The following TTC39A variants were observed in gnomAD, a reference collection of about 807,000 sequenced individuals.
TTC39A encodes the protein tetratricopeptide repeat protein 39A.
In TTC39A, 46 loss-of-function variants were observed where a neutral mutation model predicts 82.3. That is an observed-to-expected ratio of 0.56 (90% CI 0.44 to 0.71). The LOEUF (loss-of-function observed/expected upper bound fraction) is 0.71. Ranked by LOEUF, TTC39A falls within the 30% of genes least tolerant of loss-of-function variation. The pLI, the probability that TTC39A is intolerant of heterozygous loss-of-function variation, is 0.00. For synonymous variants in TTC39A, 254 were observed against 275.2 expected, an observed-to-expected ratio of 0.92 and a Z score of 0.76; for missense variants, 543 against 712.9, an observed-to-expected ratio of 0.76 and a Z score of 2.71.
upstream of TTC39A, among the ~76,000 whole-genome samples, chr1:51,332,178 A>G (rs1645921065): frequency 6.6e-6 from 1 of 152,202 alleles, no homozygotes; most frequent in Non-Finnish European, 1.5e-5. Flanking sequence ...AAAGAATACA[A>G]ATTTACCAAT....
rs1336386618 is a variant in TTC39A at position 51,296,101 on chromosome 1, C to A, written c.1123G>T (p.Asp375Tyr). 4.4e-6 allele frequency: 7 copies of A among 1,596,348 alleles called. No individual in the cohort carries two copies. The highest frequency in any genetic ancestry group is 6.0e-6 in the Non-Finnish European group (7 of 1,171,406). ...FGKEDHKPFG[D>Y]DEVELFRAVP... ...CACCGAAATAATTCCACTTCGTCGT[C>A]CCCGAACGGCTTGTGGTCCTCCTTC... The change falls in exon 13 of 18, where the codon GAC becomes TAC. Residue 375 changes from aspartate (D) to tyrosine (Y), a missense_variant. Asp to Tyr is a radical substitution (Grantham distance 160). Transcript: ENST00000680483.
intron 2 of TTC39A, among the ~76,000 whole-genome samples, chr1:51,313,163 G>C (rs1645149689): frequency 6.6e-6 from 1 of 152,192 alleles, no homozygotes; most frequent in African/African-American, 2.4e-5. Context: ...GTGGCCCTAA[G>C]TGATCTACCA....
chr1:51,324,046 C>G (rs1645622070), intron 1 of TTC39A, among the ~76,000 whole-genome samples: 1 of 152,198 alleles, frequency 6.6e-6, no homozygotes, highest in South Asian at 2.1e-4. Context: ...GGAACTACCA[C>G]CCTGAGACCA....
intron 2 of TTC39A, among the ~76,000 whole-genome samples, chr1:51,317,284 G>C (rs745773300): frequency 2.0e-5 from 3 of 152,214 alleles, no homozygotes; most frequent in Non-Finnish European, 4.4e-5. Context: ...AAGGGAGGCT[G>C]TTTTCCAGCA....
intron 4 of TTC39A, among the ~76,000 whole-genome samples, 178 bp downstream of exon 4, chr1:51,311,941 C>G (rs570943408): frequency 1.3e-5 from 2 of 152,254 alleles, no homozygotes; most frequent in Non-Finnish European, 2.9e-5. Context: ...ACCTGCCCCC[C>G]ACACCCTCAC....
Position 51,330,538 on chromosome 1 carries a change from G to T in TTC39A, c.-61C>A, listed in dbSNP as rs1427057657. 5.1e-6 allele frequency: 5 copies of T among 983,554 alleles called. No individual in the cohort carries two copies. The highest frequency in any genetic ancestry group is 6.0e-6 in the Non-Finnish European group (5 of 830,092). 60.9% of individuals were successfully genotyped at this position (983,554 alleles called of 1,614,324 possible). ...CGCCAATCGCGGCCCAGGTGCTGCC[G>T]CCGCAACCCCGAGCCGGGCGCTGTG... is the stretch of plus-strand genomic sequence containing the variant. On this transcript the variant is annotated 5_prime_UTR_variant, in exon 1 of 18. Coordinates refer to ENST00000680483, the MANE Select transcript of TTC39A (RefSeq NM_001297663.2). The surrounding 1 kb of genome is among the most constrained non-coding windows in gnomAD (Gnocchi z 4.5).
chr1:51,332,936 G>A (rs1570018966), upstream of TTC39A, among the ~76,000 whole-genome samples: 1 of 152,194 alleles, frequency 6.6e-6, no homozygotes, highest in East Asian at 1.9e-4. Context: ...TAGGTGGCTG[G>A]GCATGGTGGC....
At chr1:51,305,698 C>G (rs1207919891) in intron 7 of TTC39A, 1 of 495,774 alleles carries the variant, frequency 2.0e-6, no homozygotes, top group African/African-American at 1.9e-5. Flanking sequence ...GTGCCAAGGT[C>G]GGGTGCTGTG....
At chr1:51,323,362 C>A (rs527647017) in intron 1 of TTC39A, among the ~76,000 whole-genome samples, 2 of 152,190 alleles carry the variant, frequency 1.3e-5, no homozygotes, top group African/African-American at 2.4e-5. Flanking sequence ...GATCCTCCCA[C>A]CTCATCCTCC....
At chr1:51,330,727 C>G, upstream of TTC39A, 2 of 706,400 alleles carry the variant, frequency 2.8e-6, no homozygotes, top group Non-Finnish European at 3.6e-6. The surrounding 1 kb of genome is among the most constrained non-coding windows in gnomAD (Gnocchi z 4.5). Context: ...ACCCCCGCTC[C>G]GACAGGTGAG....
At chr1:51,305,515 A>C (rs1228195924) in intron 7 of TTC39A, 1 of 322,192 alleles carries the variant, frequency 3.1e-6, no homozygotes, top group African/African-American at 2.1e-5. Flanking sequence ...AGGAGCCAGC[A>C]CAGATGCTCA....
intron 13 of TTC39A, chr1:51,295,823 G>C (rs188327502): frequency 1.3e-4 from 71 of 565,212 alleles, no homozygotes; most frequent in African/African-American, 1.2e-3. Flanking sequence ...CTCGGAGGAA[G>C]ACGATATTAG....
chr1:51,324,232 T>C (rs1645631479), intron 1 of TTC39A, among the ~76,000 whole-genome samples: 1 of 152,184 alleles, frequency 6.6e-6, no homozygotes. Flanking sequence ...TTCTAGCCAA[T>C]CTTCCTATTC....
At chr1:51,322,187 TGCAGCCCAGCCACTAAATCCC>T in intron 1 of TTC39A, 2 of 1,511,602 alleles carry the variant, frequency 1.3e-6, no homozygotes, top group Non-Finnish European at 1.8e-6. Context: ...CCCCAGGGGG[TGCAGCCCAGCCACTAAATCCC>T]ACAGCCCCTT....
At position 51,288,131 on chromosome 1, in the gene TTC39A, T is replaced by G; in HGVS notation, c.*26A>C. The G allele has an allele frequency of 3.1e-6, 5 of 1,613,642 alleles. No individual in the cohort carries two copies. The highest frequency in any genetic ancestry group is 3.4e-6 in the Non-Finnish European group (4 of 1,179,662). The stretch of plus-strand genomic sequence containing the variant: ...GGAGCTCTGTCCAGCTGTCTCTGTC[T>G]TCCAGCCCGGAACTGCTGCACAAAG... On this transcript the variant is annotated 3_prime_UTR_variant, in exon 18 of 18. Transcript: ENST00000680483. This position sits in a 1 kb window ranked among gnomAD's most constrained non-coding sequence, Gnocchi z 4.8.
upstream of TTC39A, chr1:51,331,556 A>G (rs1645911373): frequency 1.0e-6 from 1 of 985,298 alleles, no homozygotes; most frequent in Admixed American, 6.1e-5. Flanking sequence ...CAGCCTGCAG[A>G]AGCAACCACG....
chr1:51,309,518 G>A, intron 5 of TTC39A, 193 bp from the exon 6 acceptor site: 1 of 1,348,562 alleles, frequency 7.4e-7, no homozygotes, highest in Admixed American at 3.1e-5. Flanking sequence ...GGTTGGACCA[G>A]CCTCCCAGGT....
chr1:51,330,319 G>A lies in TTC39A; in HGVS notation c.41+118C>T, dbSNP rs186508541. On this transcript the variant is annotated intron_variant, in intron 1 of 17. Coordinates refer to ENST00000680483, the MANE Select transcript of TTC39A (RefSeq NM_001297663.2). The surrounding 1 kb of genome is among the most constrained non-coding windows in gnomAD (Gnocchi z 4.5). Reference sequence around the variant, plus strand: ...CAGGGGCCGGGCGGGGTGGGGGCTGGAAGCCGCAGTGCGGCCCCAGGCCGG... The same window carrying A: ...CAGGGGCCGGGCGGGGTGGGGGCTGAAAGCCGCAGTGCGGCCCCAGGCCGG... 30 of 917,734 alleles carry A rather than the reference G, an allele frequency of 3.3e-5. No individual in the cohort carries two copies. Among genetic ancestry groups the A allele is most frequent in the Admixed American group, 1.2e-4 (2 of 16,018 alleles). 56.8% of individuals were successfully genotyped at this position (917,734 alleles called of 1,614,324 possible). A position where few individuals can be genotyped will look rare whatever the true frequency, so the allele number is the denominator to read the frequency against.
chr1:51,309,413 C>T (rs1371888515), intron 5 of TTC39A, 88 bp from the exon 6 acceptor site: 1 of 1,598,194 alleles, frequency 6.3e-7, no homozygotes, highest in South Asian at 1.1e-5. Flanking sequence ...GCCTGACTGC[C>T]CCTCCGTGTG....
Sources: allele counts gnomAD v4.1 joint callset (sites outside exome capture counted in the v4.1 genomes callset), GRCh38; gene constraint gnomAD v4.1.1; non-coding constraint Gnocchi (gnomAD v3.1); transcripts MANE v1.5; gene names NCBI Gene and HGNC (gene_info 2026-07-23, HGNC 2026-07-21).